The following NSD2 variants were observed in gnomAD, a reference collection of about 807,000 sequenced individuals.
NSD2 encodes nuclear receptor binding SET domain protein 2.
A neutral mutation model predicts 139.0 loss-of-function variants in NSD2; 12 were observed. The ratio of observed to expected loss-of-function variants is 0.09; its 90% confidence interval spans 0.06 to 0.14. The LOEUF (loss-of-function observed/expected upper bound fraction) is 0.14, where lower values mean the gene tolerates loss of function less well. NSD2 is among the 10% of genes least tolerant of loss of function. NSD2 has a pLI of 1.00. For missense variants in NSD2, 1,155 were observed against 1,745.0 expected (o/e 0.66, Z 6.02); for synonymous variants, 669 against 648.7 (o/e 1.03, Z -0.48).
rs1299489343 is a variant in NSD2, at chr4:1,976,330, G to A, written c.3622-145G>A. 20 of 842,198 alleles carry A rather than the reference G, an allele frequency of 2.4e-5. No individual in the cohort carries two copies. In the Admixed American group the frequency reaches 2.6e-4, roughly 11 times the overall value. The allele number at this position is 842,198 out of a possible 1,614,324, so 52.2% of individuals were successfully genotyped here. ...GAGTCTAAGGATGTCTGGGGAGCACGAGGAGGACACTCCTCTCCTCTCCTC... is the reference window on the plus strand; with the variant it reads ...GAGTCTAAGGATGTCTGGGGAGCACAAGGAGGACACTCCTCTCCTCTCCTC... On this transcript the variant is annotated intron_variant, in intron 20 of 21. Transcript: ENST00000508803. The surrounding 1 kb of genome is among the most constrained non-coding windows in gnomAD (Gnocchi z 5.3).
At chr4:1,966,948 A>G (rs1172792298) in intron 18 of NSD2, among the ~76,000 whole-genome samples, 2 of 152,208 alleles carry the variant, frequency 1.3e-5, no homozygotes, top group Middle Eastern at 3.2e-3. Context: ...CATTATATAG[A>G]GAATTGGAAA....
chr4:1,882,318 C>T (rs1714760493), intron 1 of NSD2, among the ~76,000 whole-genome samples: 1 of 152,152 alleles, frequency 6.6e-6, no homozygotes. Flanking sequence ...TATCGTGTTC[C>T]CTTTCTCTTG....
chr4:1,918,903 T>C (rs1316162672), intron 5 of NSD2: 4 of 294,202 alleles, frequency 1.4e-5, no homozygotes, highest in Non-Finnish European at 2.5e-5. Context: ...ATTTCAGTAC[T>C]TTGGGAGGCC....
At chr4:1,903,699 T>C (rs1717495832) in intron 2 of NSD2, among the ~76,000 whole-genome samples, 1 of 152,126 alleles carries the variant, frequency 6.6e-6, no homozygotes. Context: ...TGCTATGCAC[T>C]GTCCTGATCC....
chr4:1,935,474 A>G (rs945268632), intron 7 of NSD2, among the ~76,000 whole-genome samples: 8 of 152,248 alleles, frequency 5.3e-5, no homozygotes, highest in Admixed American at 1.3e-4. Flanking sequence ...GTGTTATCAC[A>G]GAAACCGATG....
intron 21 of NSD2, among the ~76,000 whole-genome samples, chr4:1,978,396 G>A (rs570203245): frequency 1.3e-5 from 2 of 152,146 alleles, no homozygotes; most frequent in Non-Finnish European, 2.9e-5. Flanking sequence ...CTCAGTTGCC[G>A]AAACATAAAG....
intron 5 of NSD2, 69 bp downstream of exon 5, chr4:1,918,692 C>G: frequency 6.4e-7 from 1 of 1,567,256 alleles, no homozygotes; most frequent in Non-Finnish European, 8.7e-7. Context: ...AGTGCAGAAT[C>G]ATCTGTTTCT....
Position 1,959,620 on chromosome 4 carries a change from G to A in NSD2, c.3135G>A (p.Val1045=). The change falls in exon 17 of 22, where the codon GTG becomes GTA. Residue 1045 remains valine (V), a synonymous_variant. Coordinates refer to ENST00000508803, the MANE Select transcript of NSD2 (RefSeq NM_001042424.3). The stretch of plus-strand genomic sequence containing the variant: ...TGATGTTTGAGTGCCACCCGCAGGT[G>A]TGTCCCGCGGGCGAGTTCTGCCAGA... ...RMLMFECHPQ[V]CPAGEFCQNQ... 6.2e-7 allele frequency: 1 copy of A among 1,614,194 alleles called. No homozygotes were observed. The highest frequency in any genetic ancestry group is 1.1e-5 in the South Asian group (1 of 91,082).
At chr4:1,975,848 T>A (rs1727018054) in intron 20 of NSD2, among the ~76,000 whole-genome samples, 1 of 152,242 alleles carries the variant, frequency 6.6e-6, no homozygotes, top group Non-Finnish European at 1.5e-5. Context: ...GCGCCTGCCC[T>A]GCTACCGTGT....
chr4:1,932,677 C>T (rs772852137), intron 6 of NSD2, among the ~76,000 whole-genome samples: 3 of 152,092 alleles, frequency 2.0e-5, no homozygotes, highest in Admixed American at 6.5e-5. Flanking sequence ...ACCTGGGAGG[C>T]GGAGATTGCA....
rs200279117 is a variant in NSD2, at chr4:1,975,427, C to T, written c.3621+27C>T. On this transcript the variant is annotated intron_variant, in intron 20 of 21. Transcript: ENST00000508803. The stretch of plus-strand genomic sequence containing the variant: ...TAAGGCTGTGGCGCCCTCCTTCCCC[C>T]CAGGCTCTGTGTTGGCATTTTGCAC... 465 of 1,605,158 alleles carry T rather than the reference C, an allele frequency of 2.9e-4. No individual in the cohort carries two copies. The East Asian group carries it at 5.6e-3, about 19-fold the overall frequency.
intron 15 of NSD2, among the ~76,000 whole-genome samples, chr4:1,957,447 C>A (rs535146053): frequency 6.7e-6 from 1 of 149,006 alleles, no homozygotes; most frequent in South Asian, 2.1e-4. Context: ...TCATGCCTGG[C>A]TAATTTTTTT....
At chr4:1,946,468 G>T in intron 9 of NSD2, 1 of 639,250 alleles carries the variant, frequency 1.6e-6, no homozygotes, top group Non-Finnish European at 2.0e-6. Flanking sequence ...ACAGGGTTTC[G>T]CCATATTGGC....
chr4:1,911,673 C>G (rs1030572222), intron 3 of NSD2, among the ~76,000 whole-genome samples: 3 of 142,014 alleles, frequency 2.1e-5, no homozygotes, highest in Non-Finnish European at 4.6e-5. Flanking sequence ...AGTACTGGGA[C>G]AACTGGTTAA....
At chr4:1,871,945 G>GCGGC (rs1713810524) in intron 1 of NSD2, among the ~76,000 whole-genome samples, 1 of 148,518 alleles carries the variant, frequency 6.7e-6, no homozygotes, top group Admixed American at 6.7e-5. Context: ...CCCGGCCGAG[G>GCGGC]CGGCCGCCTT....
Position 1,979,141 on chromosome 4 carries a change from CCTCA to C in NSD2, c.*236_*239del, listed in dbSNP as rs1727484886. 1.6e-5 allele frequency: 7 copies of C among 446,632 alleles called. No individual in the cohort carries two copies. Among genetic ancestry groups the C allele is most frequent in the Non-Finnish European group, 2.7e-5 (7 of 260,196 alleles). 27.7% of individuals were successfully genotyped at this position (446,632 alleles called of 1,614,324 possible). The stretch of plus-strand genomic sequence containing the variant: ...CAGCTCAGCGTTCCTGGACAAACAG[CCTCA>C]CTCCTCAGCGTTACCGCCACACTTG... On this transcript the variant is annotated 3_prime_UTR_variant, in exon 22 of 22. Transcript: ENST00000508803.
chr4:1,929,659 C>T (rs1008625445), intron 5 of NSD2, among the ~76,000 whole-genome samples: 6 of 152,190 alleles, frequency 3.9e-5, no homozygotes, highest in Non-Finnish European at 7.4e-5. Context: ...GTTTGAATTT[C>T]CTGTAATTTT....
intron 18 of NSD2, among the ~76,000 whole-genome samples, chr4:1,964,627 G>T (rs145587890): frequency 6.6e-6 from 1 of 150,768 alleles, no homozygotes; most frequent in Non-Finnish European, 1.5e-5. Flanking sequence ...AAAGAGGTGC[G>T]CTGCGCTGCC....
In NSD2 at chr4:1,981,867, A is replaced by C; in HGVS notation, c.*2958A>C. On this transcript the variant is annotated 3_prime_UTR_variant, in exon 22 of 22. Coordinates refer to ENST00000508803, the MANE Select transcript of NSD2 (RefSeq NM_001042424.3). ...ATGACTGTTTGTTAGTCAGTAGAGT[A>C]AAATGCTGTGTCCACGGGGTGTCAC... 2.5e-6 allele frequency: 1 copy of C among 398,692 alleles called. No individual in the cohort carries two copies. The highest frequency in any genetic ancestry group is 1.3e-4 in the South Asian group (1 of 7,864). The allele number at this position is 398,692 out of a possible 1,614,324, so 24.7% of individuals were successfully genotyped here.
Sources: allele counts gnomAD v4.1 joint callset (sites outside exome capture counted in the v4.1 genomes callset), GRCh38; gene constraint gnomAD v4.1.1; non-coding constraint Gnocchi (gnomAD v3.1); transcripts MANE v1.5; gene names NCBI Gene and HGNC (gene_info 2026-07-23, HGNC 2026-07-21).